The following RAF1 variants were observed in gnomAD, a reference collection of about 807,000 sequenced individuals.
The protein encoded by RAF1 is RAF proto-oncogene serine/threonine-protein kinase.
In RAF1, 27 loss-of-function variants were observed where a neutral mutation model predicts 81.1. That is an observed-to-expected ratio of 0.33 (90% CI 0.25 to 0.46). RAF1 has a LOEUF of 0.46. RAF1 is among the 20% of genes least tolerant of loss of function. The pLI, the probability that RAF1 is intolerant of heterozygous loss-of-function variation, is 1.00. For missense variants in RAF1, 598 were observed against 826.0 expected (o/e 0.72, Z 3.38); for synonymous variants, 298 against 294.0 (o/e 1.01, Z -0.14).
intron 1 of RAF1, among the ~76,000 whole-genome samples, chr3:12,661,988 C>T (rs2060892265): frequency 6.6e-6 from 1 of 151,770 alleles, no homozygotes; most frequent in South Asian, 2.1e-4. Context: ...AGTTCAAGAC[C>T]AGCCTGGCCA....
At chr3:12,598,023 T>C (rs549992068) in intron 11 of RAF1, among the ~76,000 whole-genome samples, 13 of 149,186 alleles carry the variant, frequency 8.7e-5, no homozygotes, top group Non-Finnish European at 1.8e-4. Flanking sequence ...TTTTTTTTTT[T>C]TTCTGAGACA....
chr3:12,637,734 T>TC (rs2060072843), intron 1 of RAF1, among the ~76,000 whole-genome samples: 3 of 151,502 alleles, frequency 2.0e-5, no homozygotes. Flanking sequence ...ACACCTGAAA[T>TC]CCCAGCTACT....
chr3:12,656,143 T>C (rs1214641477), intron 1 of RAF1, among the ~76,000 whole-genome samples: 1 of 144,230 alleles, frequency 6.9e-6, no homozygotes, highest in Non-Finnish European at 1.5e-5. Context: ...TACTAGATAA[T>C]ACTAGCCAGG....
At chr3:12,642,528 A>G (rs1575651646) in intron 1 of RAF1, among the ~76,000 whole-genome samples, 1 of 151,820 alleles carries the variant, frequency 6.6e-6, no homozygotes, top group Non-Finnish European at 1.5e-5. Flanking sequence ...AAAAAAATTA[A>G]TTAATTAAAA....
rs1208304193 is a variant in RAF1, at chr3:12,583,791, A to G, written c.*723T>C. The G allele has an allele frequency of 4.3e-6, 1 of 233,490 alleles. No homozygotes were observed. Among genetic ancestry groups the G allele is most frequent in the Non-Finnish European group, 8.5e-6 (1 of 118,098 alleles). 14.5% of individuals were successfully genotyped at this position (233,490 alleles called of 1,614,324 possible). A position where few individuals can be genotyped will look rare whatever the true frequency, so the allele number is the denominator to read the frequency against. The stretch of plus-strand genomic sequence containing the variant: ...TGTTTGTTTGTTTGTTTGTTAGAGA[A>G]ACAAGGCTGGCCCTGCGGCCCCGCC... On this transcript the variant is annotated 3_prime_UTR_variant, in exon 18 of 18. Coordinates refer to ENST00000442415, the MANE Select transcript of RAF1 (RefSeq NM_001354689.3).
At chr3:12,586,364 G>A (rs1034803038) in intron 14 of RAF1, among the ~76,000 whole-genome samples, 21 of 151,976 alleles carry the variant, frequency 1.4e-4, no homozygotes, top group Admixed American at 5.9e-4. Flanking sequence ...GCTCGCTTCT[G>A]GGTAAAGAAG....
At chr3:12,646,620 G>A (rs961386594) in intron 1 of RAF1, among the ~76,000 whole-genome samples, 2 of 150,584 alleles carry the variant, frequency 1.3e-5, no homozygotes, top group African/African-American at 2.4e-5. Flanking sequence ...GCACAATATC[G>A]GCTCATTGCA....
intron 11 of RAF1, among the ~76,000 whole-genome samples, chr3:12,597,164 C>G (rs562175055): frequency 2.8e-4 from 43 of 152,292 alleles, no homozygotes; most frequent in African/African-American, 8.2e-4. Context: ...TCCCAAAGTG[C>G]TGGGATTACA....
chr3:12,585,027 C>T (rs774613971), intron 16 of RAF1, 46 bp from the exon 16 acceptor site: 14 of 1,613,880 alleles, frequency 8.7e-6, no homozygotes, highest in South Asian at 1.1e-5. Flanking sequence ...GAATGAACAA[C>T]AGATAATAAC....
intron 1 of RAF1, among the ~76,000 whole-genome samples, chr3:12,632,643 CAAA>C (rs2059898843): frequency 6.6e-6 from 1 of 152,152 alleles, no homozygotes. Flanking sequence ...ACCCCTTTGA[CAAA>C]AAGTAGAATT....
At chr3:12,660,760 A>G (rs2060850095) in intron 1 of RAF1, among the ~76,000 whole-genome samples, 1 of 152,080 alleles carries the variant, frequency 6.6e-6, no homozygotes, top group Non-Finnish European at 1.5e-5. Flanking sequence ...GTAGATCACA[A>G]GGTCAGGAGT....
chr3:12,625,132 G>A (rs1275882307), intron 1 of RAF1, among the ~76,000 whole-genome samples: 1 of 151,864 alleles, frequency 6.6e-6, no homozygotes, highest in African/African-American at 2.4e-5. Context: ...TGCCCAGGCT[G>A]GAGTGCAGTG....
chr3:12,603,860 C>T (rs1436354950), intron 7 of RAF1, among the ~76,000 whole-genome samples: 1 of 152,204 alleles, frequency 6.6e-6, no homozygotes, highest in Non-Finnish European at 1.5e-5. Context: ...ATCTTAGACA[C>T]TTGTTCATTA....
chr3:12,587,301 A>C lies in RAF1; in HGVS notation c.1477+290T>G, dbSNP rs1345916162. The C allele has an allele frequency of 1.9e-5, 9 of 485,744 alleles. No individual in the cohort carries two copies. In the East Asian group the frequency reaches 3.0e-4, roughly 16 times the overall value. The allele number at this position is 485,744 out of a possible 1,614,324, so 30.1% of individuals were successfully genotyped here. A position where few individuals can be genotyped will look rare whatever the true frequency, so the allele number is the denominator to read the frequency against. On this transcript the variant is annotated intron_variant, in intron 14 of 17. Coordinates refer to ENST00000442415, the MANE Select transcript of RAF1 (RefSeq NM_001354689.3). ...GGTTACATTTACTAATAGTGTGATA[A>C]AATTATGCCTATTTCAAGCTTACGG...
intron 1 of RAF1, among the ~76,000 whole-genome samples, chr3:12,642,671 T>C (rs1486317514): frequency 1.7e-5 from 2 of 117,014 alleles, no homozygotes; most frequent in Admixed American, 9.1e-5. Flanking sequence ...ACACCATCTC[T>C]ACACACACAC....
At chr3:12,604,406 T>C (rs893066447) in intron 6 of RAF1, 117 bp from the exon 7 acceptor site, 178 of 1,080,672 alleles carry the variant, frequency 1.6e-4, no homozygotes, top group Non-Finnish European at 2.2e-4. Flanking sequence ...TGTACAACCT[T>C]TGACAAAATG....
intron 1 of RAF1, among the ~76,000 whole-genome samples, chr3:12,624,250 C>A (rs895509236): frequency 8.5e-5 from 13 of 152,138 alleles, no homozygotes; most frequent in Admixed American, 7.2e-4. Context: ...AAGGGCCCTA[C>A]AAGTTGTCTC....
At chr3:12,593,095 CTTTT>C (rs11300070) in intron 11 of RAF1, among the ~76,000 whole-genome samples, 1 of 142,688 alleles carries the variant, frequency 7.0e-6, no homozygotes. Context: ...TTCCTCCTTC[CTTTT>C]TTTTTTTTTG....
chr3:12,599,572 G>A, intron 11 of RAF1, 119 bp downstream of exon 10: 3 of 758,596 alleles, frequency 4.0e-6, no homozygotes, highest in East Asian at 2.5e-5. Flanking sequence ...AAGTATGTAA[G>A]GGAGAGTACT....
Sources: gnomAD v4.1 joint callset for allele counts (sites outside exome capture counted in the v4.1 genomes callset) on GRCh38, gnomAD v4.1.1 for gene constraint, MANE v1.5 for transcripts, NCBI Gene and HGNC (gene_info 2026-07-23, HGNC 2026-07-21) for gene names.